FMN1: variants seen among roughly 807,000 people sequenced by gnomAD.
FMN1 encodes formin-1.
Under a neutral mutation model 132.4 loss-of-function variants are expected in FMN1, and 110 were observed. The ratio of observed to expected loss-of-function variants is 0.83; its 90% CI spans 0.71 to 0.97. FMN1 has a LOEUF of 0.97. FMN1 is among the 50% of genes least tolerant of loss of function. The probability of loss-of-function intolerance (pLI) is 0.00; values close to 1 mark genes in which losing one functional copy is unlikely to be tolerated. For missense variants in FMN1, 1,792 were observed against 1,705.3 expected, an observed-to-expected ratio of 1.05 and a Z score of -0.90; for synonymous variants, 722 against 651.7, an observed-to-expected ratio of 1.11 and a Z score of -1.64.
At chr15:33,155,882 T>C (rs568564122) in intron 3 of FMN1, among the ~76,000 whole-genome samples, 1 of 152,318 alleles carries the variant, frequency 6.6e-6, no homozygotes, top group African/African-American at 2.4e-5. Context: ...GAAATGTCTC[T>C]GTGGCTACCA....
intron 5 of FMN1, among the ~76,000 whole-genome samples, chr15:33,069,120 A>G (rs1252116430): frequency 6.6e-6 from 1 of 152,236 alleles, no homozygotes; most frequent in Non-Finnish European, 1.5e-5. Flanking sequence ...TCAGATCTCT[A>G]TCACAGACCC....
At position 33,067,496 on chromosome 15, in the gene FMN1, G is replaced by C. The variant is rs187229239; in HGVS notation, c.2044-2422C>G. 1.5e-5 allele frequency: 24 copies of C among 1,614,012 alleles called. No homozygotes were observed. The African/African-American group carries it at 2.9e-4, about 20-fold the overall frequency. ...ACGAACACAAATGACATCGTCTTTT[G>C]TCCCTTTCAAAGTAGACAGTGGAAG... On this transcript the variant is annotated intron_variant, in intron 5 of 20. Transcript: ENST00000616417.
intron 19 of FMN1, among the ~76,000 whole-genome samples, chr15:32,791,036 A>G (rs2140940393): frequency 6.6e-6 from 1 of 152,328 alleles, no homozygotes; most frequent in South Asian, 2.1e-4. Flanking sequence ...TATTTTGATC[A>G]GCAGGAAATA....
intron 9 of FMN1, among the ~76,000 whole-genome samples, chr15:32,958,235 T>G (rs1245109646): frequency 6.6e-6 from 1 of 152,172 alleles, no homozygotes; most frequent in East Asian, 1.9e-4. Context: ...CTATATTTTG[T>G]TGATGTTTTT....
At chr15:33,008,864 T>TAGC in intron 6 of FMN1, among the ~76,000 whole-genome samples, 1 of 152,280 alleles carries the variant, frequency 6.6e-6, no homozygotes, top group East Asian at 1.9e-4. Context: ...TGAGCACACA[T>TAGC]TTTTGTGAGA....
intron 4 of FMN1, among the ~76,000 whole-genome samples, chr15:33,095,381 G>T (rs1173196820): frequency 1.3e-5 from 2 of 151,998 alleles, no homozygotes; most frequent in Non-Finnish European, 2.9e-5. Context: ...GAATATACTT[G>T]CTTGTTAACA....
chr15:32,958,523 C>G (rs989709031), intron 9 of FMN1, among the ~76,000 whole-genome samples: 6 of 151,818 alleles, frequency 4.0e-5, no homozygotes, highest in African/African-American at 9.7e-5. Context: ...TATTACAGAA[C>G]AGGATCCCTG....
chr15:32,898,919 G>A (rs776488622), intron 14 of FMN1, 26 bp from the exon 15 acceptor site: 1 of 1,468,442 alleles, frequency 6.8e-7, no homozygotes, highest in South Asian at 1.2e-5. Flanking sequence ...AAATGTACAT[G>A]AAAATCATTC....
At chr15:32,810,946 T>C in intron 17 of FMN1, 1 of 456,068 alleles carries the variant, frequency 2.2e-6, no homozygotes, top group South Asian at 1.5e-5. Flanking sequence ...CGGGTGATGC[T>C]AACGAGGAAA....
At position 32,964,131 on chromosome 15, in the gene FMN1, A is replaced by C. The variant is rs757355149; in HGVS notation, c.3114T>G (p.Tyr1038Ter). ...QQKKKPLSET[Y>*]EKKNKVKKII... ...CCTTTTTGACCTTGTTTTTCTTCTC[A>C]TAAGTCTCTGACAGAGGTTTTTTCT... is the stretch of plus-strand genomic sequence containing the variant. The change falls in exon 9 of 21, where the codon TAT becomes TAG. Residue 1038 changes from tyrosine (Y) to a stop codon, truncating the protein, a stop_gained. Coordinates refer to ENST00000616417, the MANE Select transcript of FMN1 (RefSeq NM_001277313.2). LOFTEE classifies it high-confidence loss of function. The C allele has an allele frequency of 6.2e-7, 1 of 1,612,326 alleles. No homozygotes were observed. The highest frequency in any genetic ancestry group is 2.2e-5 in the East Asian group (1 of 44,822).
At chr15:33,019,067 C>T (rs988722659) in intron 6 of FMN1, among the ~76,000 whole-genome samples, 1 of 152,176 alleles carries the variant, frequency 6.6e-6, no homozygotes, top group African/African-American at 2.4e-5. Context: ...CTGGCTCCGG[C>T]AGCCTGCTTT....
chr15:32,825,123 C>G (rs1000259085), intron 17 of FMN1, among the ~76,000 whole-genome samples: 8 of 152,212 alleles, frequency 5.3e-5, no homozygotes, highest in Admixed American at 3.3e-4. Flanking sequence ...ATCTCAATTT[C>G]CACCAGCCTG....
In FMN1 at chr15:32,777,846, TTAA is replaced by T. The variant is rs1245698804; in HGVS notation, c.4131-930_4131-928del. Among the ~76,000 whole-genome samples, 119 of 84,924 alleles carry T rather than the reference TTAA, an allele frequency of 1.4e-3. 22 individuals are homozygous for T. Among genetic ancestry groups the T allele is most frequent in the East Asian group, 4.3e-3 (10 of 2,328 alleles). 55.7% of individuals were successfully genotyped at this position (84,924 alleles called of 152,430 possible). A position where few individuals can be genotyped will look rare whatever the true frequency, so the allele number is the denominator to read the frequency against. On this transcript the variant is annotated intron_variant, in intron 19 of 20. Transcript: ENST00000616417. ...TATATTATGTATAATATATAATACA[TTAA>T]TTATATATTATGTATAATATATAAT...
At chr15:32,865,337 A>T (rs556738189) in intron 16 of FMN1, among the ~76,000 whole-genome samples, 20 of 152,350 alleles carry the variant, frequency 1.3e-4, no homozygotes, top group African/African-American at 4.6e-4. Flanking sequence ...ACTATAATGA[A>T]CAGATAAATG....
At chr15:33,102,264 G>A (rs1327439894) in intron 4 of FMN1, among the ~76,000 whole-genome samples, 2 of 152,102 alleles carry the variant, frequency 1.3e-5, no homozygotes, top group African/African-American at 4.8e-5. Flanking sequence ...CAAATTCAAA[G>A]ACATAATTTC....
In FMN1 at chr15:32,767,727, T is replaced by C. The variant is rs534172583; in HGVS notation, c.*6583A>G. The C allele has an allele frequency of 1.3e-5, 2 of 152,158 alleles. No individual in the cohort carries two copies. Among genetic ancestry groups the C allele is most frequent in the Non-Finnish European group, 2.9e-5 (2 of 68,026 alleles). 9.4% of individuals were successfully genotyped at this position (152,158 alleles called of 1,614,324 possible). A position where few individuals can be genotyped will look rare whatever the true frequency, so the allele number is the denominator to read the frequency against. Reference sequence around the variant, plus strand: ...TCATATTACTTATGCCTTGGGAAATTACAGAATTGCACAATTATAAATTTA... The same window carrying C: ...TCATATTACTTATGCCTTGGGAAATCACAGAATTGCACAATTATAAATTTA... On this transcript the variant is annotated 3_prime_UTR_variant, in exon 21 of 21. Transcript: ENST00000616417.
At position 33,048,644 on chromosome 15, in the gene FMN1, A is replaced by AAAAAAAAAAAAAAAAAACAAAAAC; in HGVS notation, c.2161+16312_2161+16313insGTTTTTGTTTTTTTTTTTTTTTTT. On this transcript the variant is annotated intron_variant, in intron 6 of 20. Transcript: ENST00000616417. The stretch of plus-strand genomic sequence containing the variant: ...TGGGCAATTTACCAAAAAAAAAAAA[A>AAAAAAAAAAAAAAAAAACAAAAAC]AAAAACCAACAGTTTAATGGACTTA... 8.4e-4 allele frequency among the ~76,000 whole-genome samples: 73 copies of AAAAAAAAAAAAAAAAAACAAAAAC among 86,894 alleles called. 1 individual carries two copies. Among genetic ancestry groups the AAAAAAAAAAAAAAAAAACAAAAAC allele is most frequent in the African/African-American group, 1.9e-3 (47 of 24,324 alleles). The allele number at this position is 86,894 out of a possible 152,430, so 57.0% of individuals were successfully genotyped here.
At chr15:33,110,315 A>T (rs2140120863) in intron 4 of FMN1, among the ~76,000 whole-genome samples, 1 of 152,218 alleles carries the variant, frequency 6.6e-6, no homozygotes, top group South Asian at 2.1e-4. Flanking sequence ...ATTTATGAAA[A>T]GTTAAAAAAC....
intron 3 of FMN1, among the ~76,000 whole-genome samples, chr15:33,172,011 C>T (rs1311641380): frequency 2.6e-5 from 4 of 152,128 alleles, no homozygotes; most frequent in Non-Finnish European, 4.4e-5. Flanking sequence ...AGATTGAGAT[C>T]ATCCTGGCTG....
Sources: gnomAD v4.1 joint callset for allele counts (sites outside exome capture counted in the v4.1 genomes callset) on GRCh38, gnomAD v4.1.1 for gene constraint, MANE v1.5 for transcripts, NCBI Gene and HGNC (gene_info 2026-07-23, HGNC 2026-07-21) for gene names.